The following SLIT2 variants were observed in gnomAD, a reference collection of about 807,000 sequenced individuals.
The protein encoded by SLIT2 is slit guidance ligand 2, also known as slit homolog 2 protein.
A neutral mutation model predicts 185.7 loss-of-function variants in SLIT2; 41 were observed. That is an observed-to-expected ratio of 0.22 (90% CI 0.17 to 0.29). The LOEUF is 0.29. Among genes scored for constraint, SLIT2 ranks in the 10% least tolerant of loss-of-function variants. The pLI, the probability that SLIT2 is intolerant of heterozygous loss-of-function variation, is 1.00. For synonymous variants in SLIT2, 693 were observed against 680.2 expected, an observed-to-expected ratio of 1.02 and a Z score of -0.29; for missense variants, 1,571 against 1,909.0, an observed-to-expected ratio of 0.82 and a Z score of 3.30.
intron 4 of SLIT2, among the ~76,000 whole-genome samples, chr4:20,334,760 T>A (rs1285043399): frequency 4.6e-5 from 7 of 152,182 alleles, no homozygotes; most frequent in African/African-American, 1.7e-4. Context: ...TGGGTTTGAA[T>A]CCTTGTTACA....
rs1034312824 is a variant in SLIT2, at chr4:20,528,473, C to T, written c.1463-476C>T. On this transcript the variant is annotated intron_variant, in intron 15 of 36. Coordinates refer to ENST00000504154, the MANE Select transcript of SLIT2 (RefSeq NM_004787.4). The surrounding 1 kb of genome is among the most constrained non-coding windows in gnomAD (Gnocchi z 4.2). ...AAAAAGAGGGCTTTTTAGGCATCTC[C>T]GAGATTATGTGAGAGGGAGAGAATA... is the stretch of plus-strand genomic sequence containing the variant. 1.7e-5 allele frequency: 7 copies of T among 419,954 alleles called. No individual in the cohort carries two copies. Among genetic ancestry groups the T allele is most frequent in the East Asian group, 6.4e-5 (1 of 15,520 alleles). The allele number at this position is 419,954 out of a possible 1,614,324, so 26.0% of individuals were successfully genotyped here.
intron 4 of SLIT2, among the ~76,000 whole-genome samples, chr4:20,413,742 G>T (rs1727438165): frequency 6.6e-6 from 1 of 151,778 alleles, no homozygotes; most frequent in Non-Finnish European, 1.5e-5. Context: ...TTTCCTATGG[G>T]TACTCTTTAC....
chr4:20,502,672 TG>T (rs943123484), intron 9 of SLIT2, among the ~76,000 whole-genome samples: 1 of 151,986 alleles, frequency 6.6e-6, no homozygotes, highest in Non-Finnish European at 1.5e-5. Flanking sequence ...CCCAGGAAAA[TG>T]ATAGAGTAGT....
rs191300108 is a variant in SLIT2, at chr4:20,466,023, C to T, written c.396-1729C>T. Among the ~76,000 whole-genome samples the T allele has an allele frequency of 9.2e-4, 139 of 151,026 alleles. 1 individual carries two copies. The highest frequency in any genetic ancestry group is 3.2e-3 in the African/African-American group (132 of 41,120). On this transcript the variant is annotated intron_variant, in intron 4 of 36. Coordinates refer to ENST00000504154, the MANE Select transcript of SLIT2 (RefSeq NM_004787.4). ...AAGCGATTAGAAAACATGGAATTGGCGAAGACAGAATAGTAGAAACACTAC... is the reference window on the plus strand; with the variant it reads ...AAGCGATTAGAAAACATGGAATTGGTGAAGACAGAATAGTAGAAACACTAC...
intron 29 of SLIT2, among the ~76,000 whole-genome samples, chr4:20,588,347 C>T (rs571172757): frequency 6.6e-6 from 1 of 152,192 alleles, no homozygotes; most frequent in East Asian, 1.9e-4. Flanking sequence ...AAATAATATG[C>T]CACATTTAGT....
intron 4 of SLIT2, among the ~76,000 whole-genome samples, chr4:20,271,371 A>G (rs1283420775): frequency 6.8e-6 from 1 of 147,440 alleles, no homozygotes; most frequent in African/African-American, 2.5e-5. Context: ...ATATATATTT[A>G]TAGAATATAT....
intron 4 of SLIT2, among the ~76,000 whole-genome samples, chr4:20,340,508 T>C (rs1179025772): frequency 1.3e-5 from 2 of 152,204 alleles, no homozygotes; most frequent in Non-Finnish European, 2.9e-5. Flanking sequence ...GACATATTAA[T>C]AAACAAAATG....
In SLIT2 at chr4:20,406,992, C is replaced by T. The variant is rs951931012; in HGVS notation, c.396-60760C>T. Among the ~76,000 whole-genome samples the T allele has an allele frequency of 3.5e-4, 54 of 152,118 alleles. 2 individuals carry two copies. The highest frequency in any genetic ancestry group is 2.8e-3 in the Admixed American group (43 of 15,264). On this transcript the variant is annotated intron_variant, in intron 4 of 36. Coordinates refer to ENST00000504154, the MANE Select transcript of SLIT2 (RefSeq NM_004787.4). ...ATATAACAATAAACAAATATTGCTA[C>T]ATACAGCAACACAAAGTCTTCCAGC... is the stretch of plus-strand genomic sequence containing the variant.
At chr4:20,504,585 T>C (rs888679712) in intron 9 of SLIT2, among the ~76,000 whole-genome samples, 1 of 152,194 alleles carries the variant, frequency 6.6e-6, no homozygotes, top group Admixed American at 6.6e-5. Context: ...TATGTGTGTA[T>C]GTGTTTATTA....
intron 4 of SLIT2, among the ~76,000 whole-genome samples, chr4:20,354,209 T>G (rs1042475217): frequency 1.3e-5 from 2 of 148,584 alleles, no homozygotes; most frequent in African/African-American, 2.5e-5. Flanking sequence ...GAAAGGTAGG[T>G]TTTTTTTCTT....
intron 4 of SLIT2, among the ~76,000 whole-genome samples, chr4:20,278,189 A>T (rs1408898498): frequency 1.3e-5 from 2 of 151,826 alleles, no homozygotes; most frequent in Non-Finnish European, 2.9e-5. Flanking sequence ...TTCTAAATAC[A>T]CTGTTTATGT....
chr4:20,478,638 C>G (rs1246717724), intron 5 of SLIT2, among the ~76,000 whole-genome samples: 1 of 152,174 alleles, frequency 6.6e-6, no homozygotes, highest in Non-Finnish European at 1.5e-5. Context: ...ATACAGCTCA[C>G]CCTTTTACAG....
At chr4:20,425,420 C>G (rs1227314099) in intron 4 of SLIT2, among the ~76,000 whole-genome samples, 1 of 152,058 alleles carries the variant, frequency 6.6e-6, no homozygotes, top group Non-Finnish European at 1.5e-5. Flanking sequence ...TGAGCTTTCA[C>G]CAAGTCTTTT....
At chr4:20,372,517 C>T (rs943478221) in intron 4 of SLIT2, among the ~76,000 whole-genome samples, 1 of 151,818 alleles carries the variant, frequency 6.6e-6, no homozygotes, top group Non-Finnish European at 1.5e-5. Flanking sequence ...CCAAAATTAA[C>T]TTTGTCCTGT....
chr4:20,508,842 G>A (rs191671843), intron 9 of SLIT2, among the ~76,000 whole-genome samples: 16 of 152,152 alleles, frequency 1.1e-4, no homozygotes, highest in African/African-American at 3.9e-4. Flanking sequence ...GAAAACTGAG[G>A]AAACCCATTG....
chr4:20,462,093 C>G (rs138220111), intron 4 of SLIT2, among the ~76,000 whole-genome samples: 1 of 152,240 alleles, frequency 6.6e-6, no homozygotes, highest in African/African-American at 2.4e-5. Flanking sequence ...ACTTCTCAGA[C>G]TTGGCTCTGG....
rs775610724 is a variant in SLIT2 at position 20,257,884 on chromosome 4, A to G, written c.268A>G (p.Lys90Glu). The G allele has an allele frequency of 1.3e-6, 2 of 1,563,888 alleles. No individual in the cohort carries two copies. The highest frequency in any genetic ancestry group is 1.8e-6 in the Non-Finnish European group (2 of 1,136,964). ...HLRVLQLMEN[K>E]ISTIERGAFQ... ...GCATTTCAGTCAGCTTATGGAGAATAAGATTAGCACCATTGAAAGAGGAGC... is the reference window on the plus strand; with the variant it reads ...GCATTTCAGTCAGCTTATGGAGAATGAGATTAGCACCATTGAAAGAGGAGC... Residue 90 changes from lysine to glutamate, a missense_variant, in exon 3 of 37, where the codon AAG becomes GAG. This residue lies in a region of SLIT2 where 1,202 missense variants were observed against 1,416.4 expected (regional missense o/e 0.85). Transcript: ENST00000504154.
At chr4:20,341,115 AG>A in intron 4 of SLIT2, among the ~76,000 whole-genome samples, 1 of 152,348 alleles carries the variant, frequency 6.6e-6, no homozygotes, top group South Asian at 2.1e-4. Context: ...AGTTGCCACT[AG>A]TACCCCAAAT....
intron 11 of SLIT2, among the ~76,000 whole-genome samples, chr4:20,515,598 A>C (rs2148833166): frequency 6.6e-6 from 1 of 152,224 alleles, no homozygotes; most frequent in South Asian, 2.1e-4. Context: ...AAAAGGTAGC[A>C]CCTCTGTTTT....
Sources: gnomAD v4.1 joint callset for allele counts (sites outside exome capture counted in the v4.1 genomes callset) on GRCh38, gnomAD v4.1.1 for gene constraint, gnomAD v4.1.1 regional missense constraint, Gnocchi (gnomAD v3.1) non-coding constraint, MANE v1.5 for transcripts, NCBI Gene and HGNC (gene_info 2026-07-23, HGNC 2026-07-21) for gene names.